The following MED15 variants were observed in gnomAD, a reference collection of about 807,000 sequenced individuals.
MED15 encodes the protein mediator complex subunit 15.
Under a neutral mutation model 118.7 loss-of-function variants are expected in MED15, and 41 were observed. That is an observed-to-expected ratio of 0.35 (90% confidence interval 0.27 to 0.45). MED15 has a LOEUF of 0.45. Among genes scored for constraint, MED15 ranks in the 20% least tolerant of loss-of-function variants. The pLI is 1.00. For missense variants in MED15, 740 were observed against 1,025.5 expected (o/e 0.72, Z 3.80); for synonymous variants, 436 against 413.9 (o/e 1.05, Z -0.65).
At chr22:20,557,601 A>T (rs1156842537) in intron 5 of MED15, among the ~76,000 whole-genome samples, 1 of 151,982 alleles carries the variant, frequency 6.6e-6, no homozygotes, top group African/African-American at 2.4e-5. Flanking sequence ...CTTATACTTG[A>T]TAATAAATTG....
In MED15 at chr22:20,586,474, G is replaced by A. The variant is rs189112941; in HGVS notation, c.2231-94G>A. The A allele has an allele frequency of 2.9e-4, 442 of 1,544,840 alleles. 1 individual carries two copies. In the East Asian group the frequency reaches 6.6e-3, roughly 23 times the overall value. ...ATCACCTCCTGGTGCTTCGGCCCGC[G>A]CCTGGGGCTACCCCTTCCCAGAGCA... On this transcript the variant is annotated intron_variant, in intron 17 of 17. Coordinates refer to ENST00000263205, the MANE Select transcript of MED15 (RefSeq NM_001003891.3).
At chr22:20,553,019 G>C (rs1853095885) in intron 3 of MED15, 126 bp from the exon 4 acceptor site, 3 of 807,168 alleles carry the variant, frequency 3.7e-6, no homozygotes, top group Non-Finnish European at 6.1e-6. Flanking sequence ...CCAGTAGTGG[G>C]GAGTACTAGG....
intron 9 of MED15, among the ~76,000 whole-genome samples, chr22:20,578,071 C>G (rs1258109656): frequency 1.3e-5 from 2 of 152,066 alleles, no homozygotes; most frequent in South Asian, 4.2e-4. Context: ...ACTACAGGCG[C>G]CTGCCACCAC....
Position 20,585,248 on chromosome 22 carries a change from C to T in MED15, c.2112C>T (p.Val704=). The change falls in exon 16 of 18, where the codon GTC becomes GTT. Residue 704 remains valine (V), a synonymous_variant. Coordinates refer to ENST00000263205, the MANE Select transcript of MED15 (RefSeq NM_001003891.3). ...CTCACTGCAGCAACAATGGCACTGT[C>T]CACCTGATCTGCAAGCTGGGTGAGT... The part of the protein sequence containing the change: ...DPSHCSNNGT[V]HLICKLDDKD... 6.2e-7 allele frequency: 1 copy of T among 1,613,436 alleles called. No individual in the cohort carries two copies. Among genetic ancestry groups the T allele is most frequent in the Non-Finnish European group, 8.5e-7 (1 of 1,179,860 alleles).
At position 20,553,149 on chromosome 22, in the gene MED15, CAAG is replaced by C. The variant is rs1307125473; in HGVS notation, c.216_218del (p.Lys73del). 6.2e-7 allele frequency: 1 copy of C among 1,610,476 alleles called. No individual in the cohort carries two copies. Among genetic ancestry groups the C allele is most frequent in the Non-Finnish European group, 8.5e-7 (1 of 1,177,946 alleles). Reference sequence around the variant, plus strand: ...TTTGTTTGTGTTTTCATATAGATAACAAGAAATCTCAAGCTTCCGTCAGTGGTA... The same window carrying C: ...TTTGTTTGTGTTTTCATATAGATAACAAATCTCAAGCTTCCGTCAGTGGTA... On this transcript the variant is annotated inframe_deletion, in exon 4 of 18. Coordinates refer to ENST00000263205, the MANE Select transcript of MED15 (RefSeq NM_001003891.3).
intron 9 of MED15, among the ~76,000 whole-genome samples, chr22:20,576,767 A>G (rs2056834801): frequency 6.6e-6 from 1 of 152,166 alleles, no homozygotes; most frequent in Non-Finnish European, 1.5e-5. Context: ...GCAGTTCCCC[A>G]TGGCCTGGAG....
intron 1 of MED15, among the ~76,000 whole-genome samples, chr22:20,533,939 T>C (rs2054954476): frequency 6.6e-6 from 1 of 152,186 alleles, no homozygotes; most frequent in South Asian, 2.1e-4. Context: ...GTGCCAGGTG[T>C]CTCTGCTGCA....
rs541006439 is a variant in MED15 at position 20,567,351 on chromosome 22, C to T, written c.1041+534C>T. Among the ~76,000 whole-genome samples the T allele has an allele frequency of 1.1e-4, 16 of 152,258 alleles. 1 individual carries two copies. The South Asian group carries it at 3.3e-3, about 32-fold the overall frequency. ...TGTATCTCTGCACAAAGCCAGTCTA[C>T]TCAGTGACAGGCACAGAGGACAGAG... On this transcript the variant is annotated intron_variant, in intron 7 of 17. Coordinates refer to ENST00000263205, the MANE Select transcript of MED15 (RefSeq NM_001003891.3).
chr22:20,521,546 G>A (rs538558156), intron 1 of MED15, among the ~76,000 whole-genome samples: 1 of 148,098 alleles, frequency 6.8e-6, no homozygotes, highest in South Asian at 2.2e-4. Context: ...ACCACACCCG[G>A]CTAATTTTTT....
intron 8 of MED15, among the ~76,000 whole-genome samples, chr22:20,571,958 T>C: frequency 6.6e-6 from 1 of 152,204 alleles, no homozygotes; most frequent in East Asian, 1.9e-4. Flanking sequence ...ATCTTCCACA[T>C]CAATAGGGGA....
At chr22:20,510,341 G>A (rs1161906525) in intron 1 of MED15, among the ~76,000 whole-genome samples, 3 of 152,094 alleles carry the variant, frequency 2.0e-5, no homozygotes, top group Non-Finnish European at 4.4e-5. Flanking sequence ...AGCCGAGATC[G>A]CACCACTGCT....
At chr22:20,579,024 C>T (rs999561643) in intron 9 of MED15, among the ~76,000 whole-genome samples, 2 of 152,250 alleles carry the variant, frequency 1.3e-5, no homozygotes, top group Non-Finnish European at 2.9e-5. Context: ...ACACAGTGCT[C>T]AGCACGGGGG....
chr22:20,583,871 T>G, intron 13 of MED15: 1 of 236,298 alleles, frequency 4.2e-6, no homozygotes, highest in Non-Finnish European at 8.5e-6. Flanking sequence ...CACAGGCTGC[T>G]GTGAGGATCA....
intron 2 of MED15, among the ~76,000 whole-genome samples, chr22:20,547,590 T>G (rs1240919499): frequency 6.6e-6 from 1 of 151,738 alleles, no homozygotes; most frequent in African/African-American, 2.4e-5. Context: ...GAGGCTGAGG[T>G]GGGCGGATCA....
At chr22:20,580,933 C>T (rs369368432) in intron 9 of MED15, among the ~76,000 whole-genome samples, 10 of 152,212 alleles carry the variant, frequency 6.6e-5, no homozygotes, top group African/African-American at 2.4e-4. Flanking sequence ...TGATGAGGCC[C>T]GGCAGGCCGA....
At chr22:20,579,072 T>C (rs1443996863) in intron 9 of MED15, among the ~76,000 whole-genome samples, 1 of 152,166 alleles carries the variant, frequency 6.6e-6, no homozygotes, top group Non-Finnish European at 1.5e-5. Context: ...AATCCTCCCT[T>C]GGCAGATGTA....
chr22:20,557,598 T>G (rs1296959914), intron 5 of MED15, among the ~76,000 whole-genome samples: 1 of 152,184 alleles, frequency 6.6e-6, no homozygotes, highest in African/African-American at 2.4e-5. Flanking sequence ...GAGCTTATAC[T>G]TGATAATAAA....
intron 2 of MED15, among the ~76,000 whole-genome samples, chr22:20,541,081 GA>G (rs1170204095): frequency 1.3e-5 from 2 of 151,298 alleles, no homozygotes; most frequent in East Asian, 1.9e-4. Flanking sequence ...ACAAAAAAAG[GA>G]AAAAAAATTA....
chr22:20,533,782 A>T (rs1238472457), intron 1 of MED15, among the ~76,000 whole-genome samples: 1 of 152,192 alleles, frequency 6.6e-6, no homozygotes, highest in Non-Finnish European at 1.5e-5. Flanking sequence ...ATTACCCAGG[A>T]CAGGACAGGG....
Sources: allele counts gnomAD v4.1 joint callset (sites outside exome capture counted in the v4.1 genomes callset), GRCh38; gene constraint gnomAD v4.1.1; transcripts MANE v1.5; gene names NCBI Gene and HGNC (gene_info 2026-07-23, HGNC 2026-07-21).